Variants in CLVS1 observed in about 807,000 individuals in gnomAD.
CLVS1 encodes clavesin-1.
Under a neutral mutation model 33.1 loss-of-function variants are expected in CLVS1, and 10 were observed. That is an observed-to-expected ratio of 0.30 (90% CI 0.19 to 0.51). CLVS1 has a LOEUF of 0.51. Ranked by LOEUF, CLVS1 falls within the 20% of genes least tolerant of loss-of-function variation. The pLI is 0.97. For missense variants in CLVS1, 343 were observed against 433.4 expected, an observed-to-expected ratio of 0.79 and a Z score of 1.85; for synonymous variants, 163 against 166.1, an observed-to-expected ratio of 0.98 and a Z score of 0.14.
chr8:61,061,302 T>G (rs1804578551), intron 1 of CLVS1, among the ~76,000 whole-genome samples: 1 of 152,106 alleles, frequency 6.6e-6, no homozygotes, highest in South Asian at 2.1e-4. Context: ...AAACCAGGGG[T>G]AAAGGAAAGA....
chr8:61,254,090 G>A (rs751281435), intron 2 of CLVS1, among the ~76,000 whole-genome samples: 2 of 152,170 alleles, frequency 1.3e-5, no homozygotes, highest in Non-Finnish European at 2.9e-5. Context: ...ACGTACAGAT[G>A]GGATTTTGGT....
chr8:61,049,459 CA>C, the CLVS1 span, among the ~76,000 whole-genome samples: 1 of 152,086 alleles, frequency 6.6e-6, no homozygotes, highest in Non-Finnish European at 1.5e-5. Flanking sequence ...GTGTTTGTTC[CA>C]ATGATAAATT....
the CLVS1 span, among the ~76,000 whole-genome samples, chr8:60,989,179 T>C: frequency 6.6e-6 from 1 of 151,760 alleles, no homozygotes; most frequent in South Asian, 2.1e-4. Context: ...GATTCTTTTT[T>C]TTTGTTTTCT....
chr8:61,217,107 T>G (rs533807968), intron 2 of CLVS1, among the ~76,000 whole-genome samples: 14 of 152,206 alleles, frequency 9.2e-5, no homozygotes, highest in African/African-American at 3.1e-4. Flanking sequence ...TCATTATCCT[T>G]TCTGAGACTT....
chr8:61,465,108 G>A (rs1043966476), intron 5 of CLVS1: 1 of 152,364 alleles, frequency 6.6e-6, no homozygotes, highest in Admixed American at 6.5e-5. Flanking sequence ...TGTTCCCTGT[G>A]GTGTGGCCTT....
At chr8:61,225,027 A>G (rs557755009) in intron 2 of CLVS1, among the ~76,000 whole-genome samples, 163 of 152,356 alleles carry the variant, frequency 1.1e-3, no homozygotes, top group African/African-American at 3.7e-3. Flanking sequence ...ATTTAAAAAT[A>G]TAAATGTGGC....
At chr8:61,256,954 A>G (rs1175780962) in intron 2 of CLVS1, among the ~76,000 whole-genome samples, 2 of 152,248 alleles carry the variant, frequency 1.3e-5, no homozygotes, top group East Asian at 3.8e-4. Context: ...GTATAAGTTT[A>G]TAAGACCTGT....
the CLVS1 span, among the ~76,000 whole-genome samples, chr8:61,006,479 C>A: frequency 1.3e-5 from 2 of 152,098 alleles, no homozygotes; most frequent in Admixed American, 1.3e-4. Context: ...ACTCACCTGC[C>A]TTTACCGTCT....
intron 2 of CLVS1, among the ~76,000 whole-genome samples, chr8:61,365,761 G>A (rs1430836992): frequency 6.8e-6 from 1 of 146,124 alleles, no homozygotes; most frequent in Admixed American, 6.6e-5. Context: ...CAGGGTGTGT[G>A]TGTGTGTGTG....
chr8:61,252,802 C>A (rs1256798816), intron 2 of CLVS1, among the ~76,000 whole-genome samples: 4 of 152,106 alleles, frequency 2.6e-5, no homozygotes, highest in African/African-American at 9.7e-5. Flanking sequence ...TTATTTTGAG[C>A]CTATGTGTGT....
intron 3 of CLVS1, among the ~76,000 whole-genome samples, chr8:61,380,071 C>T (rs758315354): frequency 6.6e-6 from 1 of 152,156 alleles, no homozygotes; most frequent in Non-Finnish European, 1.5e-5. Flanking sequence ...TGCAATGTAA[C>T]ATCAAGGAGC....
At chr8:61,449,071 G>A (rs966564433) in intron 3 of CLVS1, among the ~76,000 whole-genome samples, 1 of 151,924 alleles carries the variant, frequency 6.6e-6, no homozygotes, top group Non-Finnish European at 1.5e-5. Context: ...GGCAGTGAAA[G>A]TGGGGTGTGC....
rs1405743776 is a variant in CLVS1, at chr8:61,500,621, A to C, written c.*1079A>C. The C allele has an allele frequency of 1.4e-5, 2 of 143,790 alleles. No homozygotes were observed. The highest frequency in any genetic ancestry group is 3.0e-5 in the Non-Finnish European group (2 of 67,282). The allele number at this position is 143,790 out of a possible 1,614,324, so 8.9% of individuals were successfully genotyped here. A position where few individuals can be genotyped will look rare whatever the true frequency, so the allele number is the denominator to read the frequency against. On this transcript the variant is annotated 3_prime_UTR_variant, in exon 6 of 6. Coordinates refer to ENST00000325897, the MANE Select transcript of CLVS1 (RefSeq NM_173519.3). ...AAATGGAGTCCCCAACTACTCATTC[A>C]AAAGAAATCAGACATAAAATAAACA...
chr8:61,198,817 T>C (rs949264148), intron 2 of CLVS1, among the ~76,000 whole-genome samples: 2 of 152,228 alleles, frequency 1.3e-5, no homozygotes, highest in African/African-American at 4.8e-5. Context: ...GAACATCCTG[T>C]ATTTGGTTTT....
chr8:61,404,503 C>T (rs946342600), intron 3 of CLVS1, among the ~76,000 whole-genome samples: 5 of 151,938 alleles, frequency 3.3e-5, no homozygotes, highest in Non-Finnish European at 5.9e-5. Flanking sequence ...GGTGAAAGAT[C>T]CAGTACAATT....
chr8:61,220,643 T>G (rs909783646), intron 2 of CLVS1, among the ~76,000 whole-genome samples: 1 of 115,304 alleles, frequency 8.7e-6, no homozygotes, highest in African/African-American at 4.9e-5. Context: ...GCTATACAGG[T>G]TTTTTTTTTT....
At chr8:61,416,794 C>G (rs930467156) in intron 3 of CLVS1, among the ~76,000 whole-genome samples, 1 of 152,194 alleles carries the variant, frequency 6.6e-6, no homozygotes, top group East Asian at 1.9e-4. Context: ...AGCAGCTCCA[C>G]TTTTCTTTGA....
At chr8:61,033,161 A>AAGAAAGAAAGAAAGAAAGAAAGAAAAAG in the CLVS1 span, among the ~76,000 whole-genome samples, 534 of 92,102 alleles carry the variant, frequency 5.8e-3, 98 homozygotes, top group Middle Eastern at 0.011. Context: ...GAAAGAAAGA[A>AAGAAAGAAAGAAAGAAAGAAAGAAAAAG]AAAGAAAGAA....
At chr8:61,339,100 G>A (rs1457670456) in intron 2 of CLVS1, among the ~76,000 whole-genome samples, 1 of 152,056 alleles carries the variant, frequency 6.6e-6, no homozygotes, top group Non-Finnish European at 1.5e-5. Flanking sequence ...CATAAAGACT[G>A]GTGGGCCAGG....
Sources: allele counts gnomAD v4.1 joint callset (sites outside exome capture counted in the v4.1 genomes callset), GRCh38; gene constraint gnomAD v4.1.1; transcripts MANE v1.5; gene names NCBI Gene and HGNC (gene_info 2026-07-23, HGNC 2026-07-21).